The following STK17B variants were observed in gnomAD, a reference collection of about 807,000 sequenced individuals.
STK17B encodes serine/threonine kinase 17b.
In STK17B, 21 loss-of-function variants were observed where a neutral mutation model predicts 42.0. The observed-to-expected ratio is 0.50, with a 90% CI of 0.35 to 0.72. The LOEUF (loss-of-function observed/expected upper bound fraction) is 0.72, where lower values mean the gene tolerates loss of function less well. STK17B is among the 30% of genes least tolerant of loss of function. STK17B has a pLI of 0.00. For missense variants in STK17B, 349 were observed against 446.0 expected, an observed-to-expected ratio of 0.78 and a Z score of 1.96; for synonymous variants, 143 against 148.4, an observed-to-expected ratio of 0.96 and a Z score of 0.26.
chr2:196,156,263 T>G (rs1350152822), intron 3 of STK17B, 176 bp downstream of exon 3: 1 of 539,640 alleles, frequency 1.9e-6, no homozygotes, highest in Non-Finnish European at 3.2e-6. Flanking sequence ...TTTGTGTATG[T>G]GCCCGAGGCT....
intron 1 of STK17B, among the ~76,000 whole-genome samples, chr2:196,167,933 G>C (rs550436647): frequency 6.6e-6 from 1 of 151,742 alleles, no homozygotes; most frequent in South Asian, 2.1e-4. Context: ...AACTGAAAAA[G>C]AGATTTAACG....
At chr2:196,162,300 T>C (rs773406983) in intron 2 of STK17B, among the ~76,000 whole-genome samples, 2 of 152,168 alleles carry the variant, frequency 1.3e-5, no homozygotes, top group Non-Finnish European at 2.9e-5. Flanking sequence ...GTAAAGGCTT[T>C]TTACTTATAA....
upstream of STK17B, among the ~76,000 whole-genome samples, chr2:196,175,124 C>T (rs999856718): frequency 2.0e-5 from 3 of 152,148 alleles, no homozygotes; most frequent in Non-Finnish European, 4.4e-5. Context: ...ATTTCTAAAA[C>T]ATTGTCATTT....
At chr2:196,160,668 C>G (rs545933429) in intron 2 of STK17B, among the ~76,000 whole-genome samples, 14 of 152,254 alleles carry the variant, frequency 9.2e-5, no homozygotes, top group African/African-American at 3.4e-4. Flanking sequence ...TCTAATTTAT[C>G]AAGATCTAAT....
intron 5 of STK17B, among the ~76,000 whole-genome samples, chr2:196,141,780 T>C (rs986405468): frequency 1.3e-5 from 2 of 152,208 alleles, no homozygotes; most frequent in African/African-American, 4.8e-5. Context: ...ATCCCTATTA[T>C]TGAGTAAATT....
chr2:196,146,073 G>T lies in STK17B; in HGVS notation c.336-18C>A. ...CTGCAGCACTAAAATAAAATTCAAAGAACAGAGACTTGAAAATTCATTCAC... is the reference window on the plus strand; with the variant it reads ...CTGCAGCACTAAAATAAAATTCAAATAACAGAGACTTGAAAATTCATTCAC... On this transcript the variant is annotated intron_variant, in intron 3 of 7. Transcript: ENST00000263955. The T allele has an allele frequency of 6.4e-7, 1 of 1,563,542 alleles. No homozygotes were observed. The highest frequency in any genetic ancestry group is 8.6e-7 in the Non-Finnish European group (1 of 1,161,884).
At chr2:196,165,161 A>G (rs2105712866) in intron 1 of STK17B, among the ~76,000 whole-genome samples, 1 of 152,326 alleles carries the variant, frequency 6.6e-6, no homozygotes, top group East Asian at 1.9e-4. Context: ...TGATTAAGTT[A>G]AAATGAGGTC....
At chr2:196,161,818 A>G (rs998526479) in intron 2 of STK17B, among the ~76,000 whole-genome samples, 1 of 151,980 alleles carries the variant, frequency 6.6e-6, no homozygotes, top group Non-Finnish European at 1.5e-5. Context: ...ACCTGGCCAG[A>G]TATTATAATT....
Position 196,163,412 on chromosome 2 carries a change from A to T in STK17B, c.-29T>A, listed in dbSNP as rs771478616. 2.6e-6 allele frequency: 4 copies of T among 1,555,938 alleles called. No individual in the cohort carries two copies. Among genetic ancestry groups the T allele is most frequent in the Non-Finnish European group, 3.4e-6 (4 of 1,159,456 alleles). ...AGGTGATTCCCAGGTCTGCTTCTTT[A>T]GTCACTTATTTTTACCTATGCAAAA... is the stretch of plus-strand genomic sequence containing the variant. On this transcript the variant is annotated 5_prime_UTR_variant, in exon 2 of 8. Coordinates refer to ENST00000263955, the MANE Select transcript of STK17B (RefSeq NM_004226.4).
upstream of STK17B, among the ~76,000 whole-genome samples, chr2:196,175,119 T>C (rs1699986159): frequency 6.6e-6 from 1 of 152,246 alleles, no homozygotes; most frequent in Admixed American, 6.5e-5. Context: ...CCAATATTTC[T>C]AAAACATTGT....
At chr2:196,141,390 T>C (rs1699491865) in intron 5 of STK17B, 93 bp from the exon 6 acceptor site, 1 of 1,006,802 alleles carries the variant, frequency 9.9e-7, no homozygotes, top group Non-Finnish European at 1.5e-6. Flanking sequence ...CTGGGCATGA[T>C]GGCTCATGCC....
intron 3 of STK17B, among the ~76,000 whole-genome samples, chr2:196,147,617 A>G (rs1489303885): frequency 6.6e-6 from 1 of 152,214 alleles, no homozygotes; most frequent in Non-Finnish European, 1.5e-5. Flanking sequence ...CTGACTTTGC[A>G]GAAAAAAACT....
At position 196,146,042 on chromosome 2, in the gene STK17B, C is replaced by G; in HGVS notation, c.349G>C (p.Glu117Gln). Reference sequence around the variant, plus strand: ...TCAGGTAAACACAGGCTGAAAATTTCTCCACCTGCAGCACTAAAATAAAAT... The same window carrying G: ...TCAGGTAAACACAGGCTGAAAATTTGTCCACCTGCAGCACTAAAATAAAAT... ...ILILEYAAGGEIFSLCLPELA... is the reference protein window; with the variant it reads ...ILILEYAAGGQIFSLCLPELA... Residue 117 changes from glutamate to glutamine, a missense_variant, in exon 4 of 8, where the codon GAA (glutamate) becomes CAA (glutamine). By Grantham distance (29) the Glu-to-Gln change is conservative. Coordinates refer to ENST00000263955, the MANE Select transcript of STK17B (RefSeq NM_004226.4). The G allele has an allele frequency of 1.9e-6, 3 of 1,588,338 alleles. No individual in the cohort carries two copies. The highest frequency in any genetic ancestry group is 2.6e-6 in the Non-Finnish European group (3 of 1,172,550).
At chr2:196,174,967 A>T (rs1279637677), upstream of STK17B, among the ~76,000 whole-genome samples, 1 of 152,114 alleles carries the variant, frequency 6.6e-6, no homozygotes, top group Non-Finnish European at 1.5e-5. Context: ...CAATCCAACC[A>T]CTCACTGCAG....
At chr2:196,166,755 A>T (rs1699878596) in intron 1 of STK17B, among the ~76,000 whole-genome samples, 1 of 152,254 alleles carries the variant, frequency 6.6e-6, no homozygotes, top group Non-Finnish European at 1.5e-5. Context: ...ACTTGAATGC[A>T]GAAAGCAAGT....
chr2:196,144,455 T>C (rs1197059384), intron 4 of STK17B, among the ~76,000 whole-genome samples: 1 of 115,276 alleles, frequency 8.7e-6, no homozygotes, highest in Non-Finnish European at 1.6e-5. Flanking sequence ...CCACTGCAAT[T>C]CAGCCTGGGC....
chr2:196,152,316 C>T (rs1192800743), intron 3 of STK17B, among the ~76,000 whole-genome samples: 1 of 151,924 alleles, frequency 6.6e-6, no homozygotes, highest in Non-Finnish European at 1.5e-5. Flanking sequence ...ACCCTGTTAG[C>T]CAGAATAGTC....
chr2:196,137,856 C>T (rs939241061), intron 7 of STK17B, 127 bp from the exon 8 acceptor site: 2 of 1,025,816 alleles, frequency 1.9e-6, no homozygotes, highest in Admixed American at 5.7e-5. Context: ...GTATAAAATC[C>T]AAACAGTACA....
At chr2:196,172,669 T>A (rs1321887232), upstream of STK17B, among the ~76,000 whole-genome samples, 2 of 152,232 alleles carry the variant, frequency 1.3e-5, no homozygotes, top group Non-Finnish European at 2.9e-5. Flanking sequence ...AGCCCTTTTA[T>A]GAAGTCTGTT....
Sources: allele counts gnomAD v4.1 joint callset (sites outside exome capture counted in the v4.1 genomes callset), GRCh38; gene constraint gnomAD v4.1.1; transcripts MANE v1.5; gene names NCBI Gene and HGNC (gene_info 2026-07-23, HGNC 2026-07-21).